Variants in SUMF1 observed in about 807,000 individuals in gnomAD.
SUMF1 encodes sulfatase modifying factor 1.
In SUMF1, 48 loss-of-function variants were observed where a neutral mutation model predicts 47.6. That is an observed-to-expected ratio of 1.01 (90% CI 0.80 to 1.28). The LOEUF (loss-of-function observed/expected upper bound fraction) is 1.28, where lower values mean the gene tolerates loss of function less well. Among genes scored for constraint, SUMF1 ranks in the 50% most tolerant of loss-of-function variants. SUMF1 has a pLI of 0.00. For synonymous variants in SUMF1, 230 were observed against 192.1 expected, an observed-to-expected ratio of 1.20 and a Z score of -1.63; for missense variants, 571 against 485.4, an observed-to-expected ratio of 1.18 and a Z score of -1.66.
chr3:4,079,938 TG>T (rs1226206552), intron 8 of SUMF1, among the ~76,000 whole-genome samples: 2 of 151,830 alleles, frequency 1.3e-5, no homozygotes, highest in African/African-American at 4.8e-5. Context: ...ATAATCTTCT[TG>T]CCCTGGCTCT....
intron 8 of SUMF1, among the ~76,000 whole-genome samples, chr3:4,366,690 T>C (rs948813792): frequency 6.6e-6 from 1 of 152,242 alleles, no homozygotes; most frequent in African/African-American, 2.4e-5. Context: ...AGTAGTTCAA[T>C]CGTCTGAAGC....
intron 8 of SUMF1, among the ~76,000 whole-genome samples, chr3:4,121,355 T>C (rs1344754481): frequency 6.6e-6 from 1 of 152,232 alleles, no homozygotes. Flanking sequence ...CTTTACTATG[T>C]ACTAGGTTCC....
chr3:4,109,636 T>C (rs2125068299), intron 8 of SUMF1, among the ~76,000 whole-genome samples: 1 of 152,214 alleles, frequency 6.6e-6, no homozygotes, highest in East Asian at 1.9e-4. Flanking sequence ...TTTTATTCTT[T>C]TTTCTCTAAA....
At chr3:4,192,709 C>T in intron 8 of SUMF1, among the ~76,000 whole-genome samples, 1 of 151,974 alleles carries the variant, frequency 6.6e-6, no homozygotes, top group East Asian at 1.9e-4. Context: ...AAAGACCAAC[C>T]AGGAGATTAA....
At chr3:4,387,244 G>A (rs1700705592) in intron 7 of SUMF1, among the ~76,000 whole-genome samples, 1 of 151,872 alleles carries the variant, frequency 6.6e-6, no homozygotes. Flanking sequence ...TTTTTGAGAA[G>A]TTTTAAAATT....
chr3:4,161,132 CCAGA>C (rs1201904731), intron 8 of SUMF1, among the ~76,000 whole-genome samples: 1 of 152,172 alleles, frequency 6.6e-6, no homozygotes, highest in African/African-American at 2.4e-5. Flanking sequence ...CTGTGGATTA[CCAGA>C]CAGAGACTCT....
intron 8 of SUMF1, among the ~76,000 whole-genome samples, chr3:4,153,909 A>G (rs1035455392): frequency 1.6e-4 from 24 of 151,476 alleles, no homozygotes; most frequent in Non-Finnish European, 3.5e-4. Context: ...TACTGAGGAA[A>G]TTGGAGCTTA....
At chr3:4,333,449 A>G (rs568464480) in intron 8 of SUMF1, among the ~76,000 whole-genome samples, 43 of 152,350 alleles carry the variant, frequency 2.8e-4, no homozygotes, top group African/African-American at 9.1e-4. Context: ...TACAGAAAGG[A>G]AAGCATGCAA....
intron 9 of SUMF1, among the ~76,000 whole-genome samples, chr3:4,040,606 A>G (rs932409205): frequency 6.6e-5 from 10 of 152,262 alleles, no homozygotes; most frequent in African/African-American, 2.2e-4. Flanking sequence ...TAACAGACAT[A>G]TAAATACAAG....
At chr3:4,456,953 C>CAT (rs1293369809) in intron 1 of SUMF1, among the ~76,000 whole-genome samples, 1 of 42,522 alleles carries the variant, frequency 2.4e-5, no homozygotes, top group Non-Finnish European at 5.2e-5. Flanking sequence ...TACATATATA[C>CAT]GTGTGTGTAT....
intron 8 of SUMF1, among the ~76,000 whole-genome samples, chr3:4,208,609 C>T (rs188476760): frequency 6.6e-6 from 1 of 151,684 alleles, no homozygotes; most frequent in Non-Finnish European, 1.5e-5. Flanking sequence ...AGATGAGTAA[C>T]AAGCGGAGAG....
chr3:4,099,243 T>G (rs1191244381), intron 8 of SUMF1, among the ~76,000 whole-genome samples: 1 of 152,028 alleles, frequency 6.6e-6, no homozygotes, highest in Non-Finnish European at 1.5e-5. Flanking sequence ...AGCAAGATAT[T>G]ATAAGAGGTT....
chr3:4,071,485 G>A (rs1046775983), intron 8 of SUMF1, among the ~76,000 whole-genome samples: 4 of 152,202 alleles, frequency 2.6e-5, no homozygotes, highest in African/African-American at 7.2e-5. Context: ...CAGCAGACCA[G>A]GAGATTCCCT....
At chr3:4,371,730 T>C (rs1172081716) in intron 8 of SUMF1, among the ~76,000 whole-genome samples, 1 of 152,204 alleles carries the variant, frequency 6.6e-6, no homozygotes, top group African/African-American at 2.4e-5. Flanking sequence ...TACGTATTAA[T>C]TCACTTAATC....
intron 8 of SUMF1, among the ~76,000 whole-genome samples, chr3:4,152,806 C>G (rs1212663605): frequency 6.6e-6 from 1 of 151,470 alleles, no homozygotes; most frequent in East Asian, 1.9e-4. Context: ...CAAACAAAAC[C>G]CCAGACACTT....
intron 1 of SUMF1, among the ~76,000 whole-genome samples, chr3:4,456,174 A>G (rs976046547): frequency 1.3e-5 from 2 of 152,230 alleles, no homozygotes; most frequent in African/African-American, 4.8e-5. Flanking sequence ...ACATCTTTTC[A>G]TGAGAAAAAC....
intron 8 of SUMF1, among the ~76,000 whole-genome samples, chr3:4,224,962 T>G (rs1696142345): frequency 6.6e-6 from 1 of 152,138 alleles, no homozygotes; most frequent in South Asian, 2.1e-4. Flanking sequence ...TCATTTTTTC[T>G]TAAGCTAGTT....
chr3:4,432,132 A>G (rs1049017804), intron 3 of SUMF1, among the ~76,000 whole-genome samples: 2 of 152,098 alleles, frequency 1.3e-5, no homozygotes, highest in South Asian at 2.1e-4. Context: ...TAGAATAATC[A>G]TAACTCATTC....
intron 8 of SUMF1, among the ~76,000 whole-genome samples, chr3:4,373,425 G>C (rs1700227500): frequency 6.6e-6 from 1 of 150,972 alleles, no homozygotes; most frequent in Admixed American, 6.7e-5. Flanking sequence ...AAGCTGTATA[G>C]TCCTACATCT....
Sources: allele counts gnomAD v4.1 joint callset (sites outside exome capture counted in the v4.1 genomes callset), GRCh38; gene constraint gnomAD v4.1.1; transcripts MANE v1.5; gene names NCBI Gene and HGNC (gene_info 2026-07-23, HGNC 2026-07-21).